The following SFMBT1 variants were observed in gnomAD, a reference collection of about 807,000 sequenced individuals.
SFMBT1 encodes the protein scm-like with four MBT domains protein 1.
A neutral mutation model predicts 108.7 loss-of-function variants in SFMBT1; 32 were observed. The observed-to-expected ratio is 0.29, with a 90% CI of 0.22 to 0.40. The LOEUF (loss-of-function observed/expected upper bound fraction) is 0.40, where lower values mean the gene tolerates loss of function less well. Ranked by LOEUF, SFMBT1 falls within the 10% of genes least tolerant of loss-of-function variation. The pLI, the probability that SFMBT1 is intolerant of heterozygous loss-of-function variation, is 1.00. For synonymous variants in SFMBT1, 348 were observed against 369.5 expected (o/e 0.94, Z 0.67); for missense variants, 816 against 1,059.6 (o/e 0.77, Z 3.19).
intron 1 of SFMBT1, chr3:53,019,136 T>C (rs944503216): frequency 1.3e-5 from 2 of 151,852 alleles, no homozygotes; most frequent in Admixed American, 1.3e-4. Flanking sequence ...CAGAAAAAAA[T>C]TTTTTTAATT....
intron 1 of SFMBT1, among the ~76,000 whole-genome samples, chr3:52,989,900 C>T (rs567580229): frequency 2.9e-4 from 44 of 152,116 alleles, no homozygotes; most frequent in Non-Finnish European, 5.4e-4. Flanking sequence ...CCAAACAGGC[C>T]GACAAGAATT....
chr3:52,932,600 C>G (rs776606060), intron 5 of SFMBT1, among the ~76,000 whole-genome samples: 9 of 152,164 alleles, frequency 5.9e-5, no homozygotes, highest in Non-Finnish European at 8.8e-5. Context: ...AAAATATCAT[C>G]ATTCCTCATC....
intron 1 of SFMBT1, among the ~76,000 whole-genome samples, chr3:53,006,270 T>C (rs1045999652): frequency 1.3e-5 from 2 of 152,174 alleles, no homozygotes; most frequent in African/African-American, 2.4e-5. Flanking sequence ...CAGAGACTGA[T>C]GTTCAGGACG....
At position 52,928,353 on chromosome 3, in the gene SFMBT1, A is replaced by G. The variant is rs777519547; in HGVS notation, c.898-12T>C. On this transcript the variant is annotated splice_polypyrimidine_tract_variant and intron_variant, in intron 8 of 20. Transcript: ENST00000394752. ...TTCTCATCAAAAACCTATACATGCA[A>G]TTAATAGATGAAATAGACAAATGCA... 6.2e-7 allele frequency: 1 copy of G among 1,612,046 alleles called. No homozygotes were observed. Among genetic ancestry groups the G allele is most frequent in the Non-Finnish European group, 8.5e-7 (1 of 1,179,600 alleles).
intron 1 of SFMBT1, among the ~76,000 whole-genome samples, chr3:53,006,144 C>T (rs1698731903): frequency 6.6e-6 from 1 of 152,190 alleles, no homozygotes; most frequent in Admixed American, 6.5e-5. Flanking sequence ...GACTAGAAAG[C>T]TAGGTTGGAG....
In SFMBT1 at chr3:52,987,778, A is replaced by G. The variant is rs139607134; in HGVS notation, c.-130-18520T>C. ...GAATGGTGAGTAACCAAGAGTCTGG[A>G]TGGCACCTAGACAGATGCTGCCATC... On this transcript the variant is annotated intron_variant, in intron 1 of 20. Coordinates refer to ENST00000394752, the MANE Select transcript of SFMBT1 (RefSeq NM_016329.4). 3.9e-3 allele frequency among the ~76,000 whole-genome samples: 589 copies of G among 152,320 alleles called. 2 individuals are homozygous for G. The highest frequency in any genetic ancestry group is 6.8e-3 in the Middle Eastern group (2 of 294).
At chr3:53,018,477 C>A (rs1361513484) in intron 1 of SFMBT1, among the ~76,000 whole-genome samples, 2 of 152,096 alleles carry the variant, frequency 1.3e-5, no homozygotes, top group African/African-American at 4.8e-5. Flanking sequence ...TGTTCTACAC[C>A]CCTATCTACC....
At chr3:53,004,423 C>T (rs1242190027) in intron 1 of SFMBT1, among the ~76,000 whole-genome samples, 1 of 149,704 alleles carries the variant, frequency 6.7e-6, no homozygotes, top group Non-Finnish European at 1.5e-5. Context: ...CAGGCATGTG[C>T]TACCATGCCC....
In SFMBT1 at chr3:52,904,276, A is replaced by C. The variant is rs2106752759; in HGVS notation, c.*860T>G. 1 of 152,358 alleles carries C rather than the reference A, an allele frequency of 6.6e-6. No homozygotes were observed. The highest frequency in any genetic ancestry group is 2.1e-4 in the South Asian group (1 of 4,824). 9.4% of individuals were successfully genotyped at this position (152,358 alleles called of 1,614,324 possible). A position where few individuals can be genotyped will look rare whatever the true frequency, so the allele number is the denominator to read the frequency against. On this transcript the variant is annotated 3_prime_UTR_variant, in exon 21 of 21. Transcript: ENST00000394752. The stretch of plus-strand genomic sequence containing the variant: ...ATGAATAGGAAGAGGGCAATTAAAC[A>C]GAAATACTAACAGTCTTGGTGATGT...
chr3:52,969,829 C>T (rs536866252), intron 1 of SFMBT1, among the ~76,000 whole-genome samples: 4 of 152,200 alleles, frequency 2.6e-5, no homozygotes, highest in South Asian at 2.1e-4. Context: ...GGGCTGGAAG[C>T]GGTGGCTCAT....
At chr3:53,025,918 T>C (rs1412599145) in intron 1 of SFMBT1, among the ~76,000 whole-genome samples, 1 of 152,220 alleles carries the variant, frequency 6.6e-6, no homozygotes, top group African/African-American at 2.4e-5. Flanking sequence ...GGGAGCTTTA[T>C]AACAATTATT....
At chr3:52,936,115 G>A (rs1314777174) in intron 4 of SFMBT1, among the ~76,000 whole-genome samples, 1 of 152,160 alleles carries the variant, frequency 6.6e-6, no homozygotes, top group Admixed American at 6.5e-5. Flanking sequence ...ATATGGTCTG[G>A]CTGTCTCTCC....
intron 3 of SFMBT1, among the ~76,000 whole-genome samples, chr3:52,950,007 T>A (rs996822516): frequency 7.2e-5 from 11 of 152,190 alleles, no homozygotes; most frequent in Admixed American, 3.9e-4. Context: ...GTGCTTTTAT[T>A]ATAGACAACA....
intron 12 of SFMBT1, 142 bp from the exon 13 acceptor site, chr3:52,918,668 T>C: frequency 2.5e-6 from 1 of 398,516 alleles, no homozygotes; most frequent in African/African-American, 2.1e-5. Flanking sequence ...TGTATATATA[T>C]ATATACACAT....
At chr3:52,978,316 C>G (rs565534504) in intron 1 of SFMBT1, among the ~76,000 whole-genome samples, 5 of 152,144 alleles carry the variant, frequency 3.3e-5, no homozygotes, top group Non-Finnish European at 7.4e-5. Context: ...CTAGGAATAG[C>G]AGGGAGGCCA....
intron 3 of SFMBT1, among the ~76,000 whole-genome samples, chr3:52,949,250 A>G (rs1703485468): frequency 6.6e-6 from 1 of 152,104 alleles, no homozygotes; most frequent in Non-Finnish European, 1.5e-5. Flanking sequence ...ATCTTTGTGA[A>G]TGTTCCATGT....
In SFMBT1 at chr3:52,984,519, C is replaced by T. The variant is rs778996698; in HGVS notation, c.-130-15261G>A. ...CCCCATAGCAATTCAGTAATTTATG[C>T]TGCCTTGTTTTTTAACATTCCAATT... is the stretch of plus-strand genomic sequence containing the variant. On this transcript the variant is annotated intron_variant, in intron 1 of 20. Transcript: ENST00000394752. Among the ~76,000 whole-genome samples, 16 of 151,994 alleles carry T rather than the reference C, an allele frequency of 1.1e-4. 1 individual carries two copies. The highest frequency in any genetic ancestry group is 8.3e-4 in the South Asian group (4 of 4,818).
chr3:52,962,908 ATAAAT>A (rs982371630), intron 2 of SFMBT1, among the ~76,000 whole-genome samples: 2 of 152,096 alleles, frequency 1.3e-5, no homozygotes, highest in African/African-American at 4.8e-5. Context: ...CAACAGGAGA[ATAAAT>A]TAAAAAGTAA....
chr3:52,948,484 ATTTG>A (rs1703452243), intron 3 of SFMBT1, among the ~76,000 whole-genome samples: 1 of 152,032 alleles, frequency 6.6e-6, no homozygotes, highest in Non-Finnish European at 1.5e-5. Flanking sequence ...TTGAAATTTA[ATTTG>A]TTTGCAGTAA....
Sources: allele counts gnomAD v4.1 joint callset (sites outside exome capture counted in the v4.1 genomes callset), GRCh38; gene constraint gnomAD v4.1.1; transcripts MANE v1.5; gene names NCBI Gene and HGNC (gene_info 2026-07-23, HGNC 2026-07-21).